Variants in TRERF1 observed in about 807,000 individuals in gnomAD.
TRERF1 encodes the protein transcriptional regulating factor 1.
A neutral mutation model predicts 122.9 loss-of-function variants in TRERF1; 27 were observed. The observed-to-expected ratio is 0.22, with a 90% CI of 0.16 to 0.30. The LOEUF (loss-of-function observed/expected upper bound fraction) is 0.30. TRERF1 is among the 10% of genes least tolerant of loss of function. TRERF1 has a pLI of 1.00. For synonymous variants in TRERF1, 636 were observed against 641.7 expected (o/e 0.99, Z 0.13); for missense variants, 1,248 against 1,560.3 (o/e 0.80, Z 3.37).
chr6:42,313,794 G>A (rs1385300640), intron 3 of TRERF1, among the ~76,000 whole-genome samples: 1 of 152,096 alleles, frequency 6.6e-6, no homozygotes, highest in Non-Finnish European at 1.5e-5. Context: ...TAGGATATGT[G>A]GGCCTCAGGA....
chr6:42,451,882 T>C (rs964531843), intron 1 of TRERF1: 2 of 152,392 alleles, frequency 1.3e-5, no homozygotes, highest in African/African-American at 4.8e-5. Context: ...GGAAACTTAC[T>C]CCCCATCTGC....
intron 3 of TRERF1, among the ~76,000 whole-genome samples, chr6:42,310,836 A>G (rs900589726): frequency 1.3e-5 from 2 of 152,228 alleles, no homozygotes; most frequent in Non-Finnish European, 2.9e-5. Flanking sequence ...AAAATGCAGA[A>G]CAAGAAGTTC....
At position 42,265,741 on chromosome 6, in the gene TRERF1, C is replaced by T. The variant is rs751044818; in HGVS notation, c.1484+10G>A. 3.7e-6 allele frequency: 6 copies of T among 1,612,312 alleles called. No homozygotes were observed. The highest frequency in any genetic ancestry group is 1.7e-5 in the Admixed American group (1 of 59,794). On this transcript the variant is annotated intron_variant, in intron 6 of 17. Transcript: ENST00000372922. ...CTCCCAAAATACCAACAAGGTTCCA[C>T]TCATCCTACCTTGACTCAGGGGACC...
exon 11 of TRERF1, chr6:42,257,059 G>A (rs1313300280): frequency 1.7e-5 from 27 of 1,614,222 alleles, no homozygotes; most frequent in Non-Finnish European, 2.3e-5. Context: ...ATATCTTGGA[G>A]TTCAGGGATT....
chr6:42,365,372 G>A (rs886636968), intron 2 of TRERF1, among the ~76,000 whole-genome samples: 2 of 152,110 alleles, frequency 1.3e-5, no homozygotes, highest in African/African-American at 4.8e-5. Context: ...GGGTTTAGGA[G>A]GAGAAGTTCC....
At chr6:42,379,365 T>C (rs1775498171) in intron 2 of TRERF1, among the ~76,000 whole-genome samples, 1 of 152,028 alleles carries the variant, frequency 6.6e-6, no homozygotes, top group Non-Finnish European at 1.5e-5. Flanking sequence ...ACTGTGTCCT[T>C]TTCCTATAGA....
At chr6:42,436,297 A>G (rs139369279) in intron 2 of TRERF1, among the ~76,000 whole-genome samples, 2,420 of 152,100 alleles carry the variant, frequency 0.016, 22 homozygotes, top group Non-Finnish European at 0.022. Flanking sequence ...TGAACCCAGG[A>G]GGCGGAGTTT....
At chr6:42,284,750 C>T (rs933679782) in intron 4 of TRERF1, among the ~76,000 whole-genome samples, 3 of 152,160 alleles carry the variant, frequency 2.0e-5, no homozygotes, top group African/African-American at 7.2e-5. Flanking sequence ...ACAGTTCCAC[C>T]TGCGTGTGAG....
chr6:42,301,149 C>T (rs2150249098), intron 3 of TRERF1, among the ~76,000 whole-genome samples: 1 of 152,290 alleles, frequency 6.6e-6, no homozygotes, highest in East Asian at 1.9e-4. Context: ...CATGGGGGAG[C>T]TACAGCAGCT....
At chr6:42,417,934 T>C (rs1002673339) in intron 2 of TRERF1, among the ~76,000 whole-genome samples, 1 of 152,178 alleles carries the variant, frequency 6.6e-6, no homozygotes, top group Non-Finnish European at 1.5e-5. Context: ...CACACACACA[T>C]ACAATTCCAG....
chr6:42,386,556 C>T (rs1776852989), intron 2 of TRERF1, among the ~76,000 whole-genome samples: 1 of 152,150 alleles, frequency 6.6e-6, no homozygotes, highest in African/African-American at 2.4e-5. Context: ...TAGCACTTGG[C>T]ATGGAGCGTG....
chr6:42,415,613 A>G (rs1487598079), intron 2 of TRERF1, among the ~76,000 whole-genome samples: 2 of 152,116 alleles, frequency 1.3e-5, no homozygotes, highest in Non-Finnish European at 2.9e-5. Flanking sequence ...GGTTATGAAG[A>G]TCCTATATTT....
intron 2 of TRERF1, among the ~76,000 whole-genome samples, chr6:42,416,635 T>C (rs1195457100): frequency 6.6e-6 from 1 of 152,212 alleles, no homozygotes; most frequent in African/African-American, 2.4e-5. Flanking sequence ...AGAGACCACT[T>C]TGTGGCTCTG....
rs1259015413 is a variant in TRERF1 at position 42,408,295 on chromosome 6, ATGTATATATACATACTCATGTGTGTG to A, written c.-454+42856_-454+42881del. Among the ~76,000 whole-genome samples the A allele has an allele frequency of 8.2e-5, 9 of 109,794 alleles. No homozygotes were observed. The South Asian group carries it at 9.4e-4, about 11-fold the overall frequency. 72.0% of individuals were successfully genotyped at this position (109,794 alleles called of 152,430 possible). A position where few individuals can be genotyped will look rare whatever the true frequency, so the allele number is the denominator to read the frequency against. On this transcript the variant is annotated intron_variant, in intron 2 of 17. Transcript: ENST00000372922. Reference sequence around the variant, plus strand: ...TATATATACATACACATGTGTGTGTATGTATATATACATACTCATGTGTGTGTATATATATATATACATACACGTGT... The same window carrying A: ...TATATATACATACACATGTGTGTGTATATATATATATATACATACACGTGT...
chr6:42,438,300 T>A (rs566957912), intron 2 of TRERF1, among the ~76,000 whole-genome samples: 2 of 151,052 alleles, frequency 1.3e-5, no homozygotes, highest in Admixed American at 6.6e-5. Flanking sequence ...GCACATTGCC[T>A]CACCTTCCTA....
At chr6:42,266,490 TG>T (rs1225834399) in intron 5 of TRERF1, among the ~76,000 whole-genome samples, 3 of 152,224 alleles carry the variant, frequency 2.0e-5, no homozygotes, top group Non-Finnish European at 4.4e-5. Context: ...TATCTGGCCC[TG>T]GAATTCTTCT....
Position 42,259,023 on chromosome 6 carries a change from C to G in TRERF1, c.2269+316G>C, listed in dbSNP as rs1582620296. On this transcript the variant is annotated intron_variant, in intron 9 of 17. Transcript: ENST00000372922. The surrounding 1 kb of genome is among the most constrained non-coding windows in gnomAD (Gnocchi z 4.9). ...ACGCTGGGATTACAGGTGTGAGCCA[C>G]CGCGCCCGGTCTCATTTTTTCTCTC... 6.6e-6 allele frequency among the ~76,000 whole-genome samples: 1 copy of G among 152,188 alleles called. No individual in the cohort carries two copies. Among genetic ancestry groups the G allele is most frequent in the East Asian group, 1.9e-4 (1 of 5,200 alleles).
chr6:42,265,020 T>A (rs2149849663), intron 6 of TRERF1, among the ~76,000 whole-genome samples, 166 bp from the exon 7 acceptor site: 1 of 152,340 alleles, frequency 6.6e-6, no homozygotes, highest in Admixed American at 6.5e-5. Flanking sequence ...AGAACAAAGT[T>A]CAATTTATAG....
At chr6:42,386,557 A>T (rs969617238) in intron 2 of TRERF1, among the ~76,000 whole-genome samples, 5 of 152,238 alleles carry the variant, frequency 3.3e-5, no homozygotes, top group African/African-American at 1.2e-4. Context: ...AGCACTTGGC[A>T]TGGAGCGTGG....
Sources: gnomAD v4.1 joint callset for allele counts (sites outside exome capture counted in the v4.1 genomes callset) on GRCh38, gnomAD v4.1.1 for gene constraint, Gnocchi (gnomAD v3.1) non-coding constraint, MANE v1.5 for transcripts, NCBI Gene and HGNC (gene_info 2026-07-23, HGNC 2026-07-21) for gene names.